The following PCCB variants were observed in gnomAD, a reference collection of about 807,000 sequenced individuals.
The protein encoded by PCCB is propionyl-CoA carboxylase subunit beta.
PCCB carries 43 observed loss-of-function variants against 60.7 expected under a neutral mutation model. That is an observed-to-expected ratio of 0.71 (90% CI 0.55 to 0.91). The LOEUF (loss-of-function observed/expected upper bound fraction) is 0.91, where lower values mean the gene tolerates loss of function less well. Ranked by LOEUF, PCCB falls within the 40% of genes least tolerant of loss-of-function variation. The pLI is 0.00. For synonymous variants in PCCB, 276 were observed against 255.9 expected, an observed-to-expected ratio of 1.08 and a Z score of -0.75; for missense variants, 766 against 702.8, an observed-to-expected ratio of 1.09 and a Z score of -1.02.
intron 1 of PCCB, chr3:136,255,636 C>A: frequency 1.7e-6 from 1 of 575,704 alleles, no homozygotes; most frequent in Non-Finnish European, 3.1e-6. Context: ...TCATCTTCCA[C>A]AGTTGGGTGG....
At chr3:136,260,449 T>A in intron 3 of PCCB, 30 bp from the exon 4 acceptor site, 1 of 1,580,296 alleles carries the variant, frequency 6.3e-7, no homozygotes, top group East Asian at 2.2e-5. Flanking sequence ...GTCACTATAT[T>A]TGACTTGCTG....
At chr3:136,264,452 A>G (rs777818545) in intron 5 of PCCB, among the ~76,000 whole-genome samples, 2 of 147,206 alleles carry the variant, frequency 1.4e-5, no homozygotes, top group Non-Finnish European at 3.0e-5. Flanking sequence ...ATATATGTAT[A>G]TATATATATG....
intron 10 of PCCB, among the ~76,000 whole-genome samples, chr3:136,319,160 A>C (rs192495990): frequency 6.6e-6 from 1 of 152,186 alleles, no homozygotes; most frequent in Non-Finnish European, 1.5e-5. Flanking sequence ...CATCAACATT[A>C]GTCTTGGTGA....
At position 136,328,748 on chromosome 3, in the gene PCCB, C is replaced by T. The variant is rs774180307; in HGVS notation, c.1399-10C>T. On this transcript the variant is annotated splice_polypyrimidine_tract_variant and intron_variant, in intron 13 of 14. Coordinates refer to ENST00000251654, the MANE Select transcript of PCCB (RefSeq NM_000532.5). ...CGACCAAAGATGTTCATGAACTCCTCTAATCACAGGGCGCTGTGGAGATCA... is the reference window on the plus strand; with the variant it reads ...CGACCAAAGATGTTCATGAACTCCTTTAATCACAGGGCGCTGTGGAGATCA... 4.3e-6 allele frequency: 7 copies of T among 1,609,760 alleles called. No individual in the cohort carries two copies. The South Asian group carries it at 7.7e-5, about 18-fold the overall frequency.
chr3:136,274,128 C>T (rs1942279291), intron 5 of PCCB, among the ~76,000 whole-genome samples: 1 of 151,646 alleles, frequency 6.6e-6, no homozygotes, highest in South Asian at 2.1e-4. Flanking sequence ...CATTTACGTT[C>T]AACATTAATA....
intron 4 of PCCB, among the ~76,000 whole-genome samples, chr3:136,261,006 A>C (rs938388467): frequency 2.6e-5 from 4 of 152,242 alleles, no homozygotes; most frequent in African/African-American, 9.6e-5. Flanking sequence ...GCCTATATCA[A>C]TAATGAAGAG....
At position 136,290,671 on chromosome 3, in the gene PCCB, G is replaced by GT. The variant is rs61191314; in HGVS notation, c.655-3068dup. On this transcript the variant is annotated intron_variant, in intron 6 of 14. Transcript: ENST00000251654. ...CACTACACCTAGCTTTCTCTGTGTAGTTTTTTTTTTTTTTTTTGTCATTCA... is the reference window on the plus strand; with the variant it reads ...CACTACACCTAGCTTTCTCTGTGTAGTTTTTTTTTTTTTTTTTTGTCATTCA... Among the ~76,000 whole-genome samples, 20 of 60,046 alleles carry GT rather than the reference G, an allele frequency of 3.3e-4. 2 individuals are homozygous for GT. Among genetic ancestry groups the GT allele is most frequent in the African/African-American group, 1.0e-3 (14 of 13,338 alleles). 39.4% of individuals were successfully genotyped at this position (60,046 alleles called of 152,430 possible).
intron 3 of PCCB, among the ~76,000 whole-genome samples, chr3:136,257,981 C>T (rs1576403941): frequency 6.6e-6 from 1 of 152,030 alleles, no homozygotes; most frequent in Non-Finnish European, 1.5e-5. Flanking sequence ...TAAAATCTGT[C>T]GTAGTTAGTA....
At chr3:136,329,330 T>G (rs1184161811) in intron 14 of PCCB, among the ~76,000 whole-genome samples, 2 of 152,322 alleles carry the variant, frequency 1.3e-5, no homozygotes, top group Non-Finnish European at 2.9e-5. Flanking sequence ...TTAGCTAGAC[T>G]CACTCCCCAC....
chr3:136,255,902 G>A lies in PCCB; in HGVS notation c.230G>A (p.Gly77Asp), dbSNP rs1172095662. The part of the protein sequence containing the change: ...RERISLLLDP[G>D]SFVESDMFVE... ...AGGATCAGTCTCTTGCTGGACCCTG[G>A]CAGCTTTGTTGAGAGCGACATGTTT... The change falls in exon 2 of 15, where the codon GGC (glycine) becomes GAC (aspartate). Residue 77 changes from glycine to aspartate, a missense_variant. By Grantham distance (94) the Gly-to-Asp change is moderately conservative. Coordinates refer to ENST00000251654, the MANE Select transcript of PCCB (RefSeq NM_000532.5). 3.7e-6 allele frequency: 6 copies of A among 1,614,098 alleles called. No individual in the cohort carries two copies. Among genetic ancestry groups the A allele is most frequent in the Non-Finnish European group, 4.2e-6 (5 of 1,179,992 alleles).
chr3:136,298,020 C>T lies in PCCB; in HGVS notation c.832C>T (p.Leu278=). 3 of 1,614,160 alleles carry T rather than the reference C, an allele frequency of 1.9e-6. No individual in the cohort carries two copies. Among genetic ancestry groups the T allele is most frequent in the Non-Finnish European group, 2.5e-6 (3 of 1,179,996 alleles). The change falls in exon 8 of 15, where the codon CTG becomes TTG. Residue 278 remains leucine (L), a synonymous_variant. Coordinates refer to ENST00000251654, the MANE Select transcript of PCCB (RefSeq NM_000532.5). ...TAATCTCCGGGATTTCTTCAACTAC[C>T]TGCCCCTGAGCAGTCAGGACCCGGC... ...LCNLRDFFNY[L]PLSSQDPAPV...
intron 9 of PCCB, among the ~76,000 whole-genome samples, chr3:136,307,599 A>G (rs1334665776): frequency 6.6e-6 from 1 of 152,204 alleles, no homozygotes; most frequent in Non-Finnish European, 1.5e-5. Context: ...TAAACAGTAT[A>G]TATCATTGTG....
chr3:136,317,776 G>A (rs1281326614), intron 10 of PCCB, among the ~76,000 whole-genome samples: 3 of 152,132 alleles, frequency 2.0e-5, no homozygotes, highest in Admixed American at 6.5e-5. Context: ...TAGATGGTAC[G>A]TGACAAGTTA....
intron 1 of PCCB, among the ~76,000 whole-genome samples, chr3:136,252,048 T>G (rs1000565167): frequency 1.3e-5 from 2 of 151,818 alleles, no homozygotes; most frequent in African/African-American, 4.8e-5. Context: ...TGGCAACTTT[T>G]TTTTTGTATT....
intron 6 of PCCB, among the ~76,000 whole-genome samples, chr3:136,286,346 G>A (rs1247795611): frequency 1.3e-5 from 2 of 152,108 alleles, no homozygotes; most frequent in African/African-American, 4.8e-5. Context: ...ATACTGATCC[G>A]TATGCTGACA....
Position 136,293,874 on chromosome 3 carries a change from C to CT in PCCB, c.763+12dup, listed in dbSNP as rs771766167. ...CACACCACCATGTCAGGTGAGAGGC[C>CT]TTGAAGATGACCTTGTTGTTTTCAA... On this transcript the variant is annotated intron_variant, in intron 7 of 14. Coordinates refer to ENST00000251654, the MANE Select transcript of PCCB (RefSeq NM_000532.5). The CT allele has an allele frequency of 1.7e-5, 25 of 1,457,194 alleles. No individual in the cohort carries two copies. Among genetic ancestry groups the CT allele is most frequent in the Non-Finnish European group, 3.9e-6 (4 of 1,036,988 alleles). 90.3% of individuals were successfully genotyped at this position (1,457,194 alleles called of 1,614,324 possible).
chr3:136,286,732 T>A (rs1485265723), intron 6 of PCCB, among the ~76,000 whole-genome samples: 1 of 152,166 alleles, frequency 6.6e-6, no homozygotes, highest in Admixed American at 6.6e-5. Flanking sequence ...TACAGAATCC[T>A]CCTGACTGGT....
At chr3:136,289,011 A>C (rs779132044) in intron 6 of PCCB, among the ~76,000 whole-genome samples, 1 of 152,034 alleles carries the variant, frequency 6.6e-6, no homozygotes, top group Non-Finnish European at 1.5e-5. Context: ...CATGTTGGCC[A>C]GGCTAATTTT....
chr3:136,281,531 T>A (rs952421236), intron 5 of PCCB, among the ~76,000 whole-genome samples: 1 of 152,044 alleles, frequency 6.6e-6, no homozygotes, highest in Non-Finnish European at 1.5e-5. Context: ...TGTAGTTTTT[T>A]CCCCCCACAG....
Sources: gnomAD v4.1 joint callset for allele counts (sites outside exome capture counted in the v4.1 genomes callset) on GRCh38, gnomAD v4.1.1 for gene constraint, MANE v1.5 for transcripts, NCBI Gene and HGNC (gene_info 2026-07-23, HGNC 2026-07-21) for gene names.